The following SGPP2 variants were observed in gnomAD, a reference collection of about 807,000 sequenced individuals.
SGPP2 encodes sphingosine-1-phosphate phosphatase 2, also known as sphingosine 1-phosphate phosphohydrolase 2.
SGPP2 carries 30 observed loss-of-function variants against 33.9 expected under a neutral mutation model. The ratio of observed to expected loss-of-function variants is 0.89; its 90% confidence interval spans 0.66 to 1.20. The LOEUF is 1.20. Among genes scored for constraint, SGPP2 ranks in the 50% most tolerant of loss-of-function variants. The probability of loss-of-function intolerance (pLI) is 0.00; values close to 1 mark genes in which losing one functional copy is unlikely to be tolerated. For missense variants in SGPP2, 458 were observed against 532.1 expected (o/e 0.86, Z 1.37); for synonymous variants, 233 against 225.0 (o/e 1.04, Z -0.32).
chr2:222,453,049 T>C, intron 1 of SGPP2: 1 of 1,460,810 alleles, frequency 6.8e-7, no homozygotes, highest in Non-Finnish European at 9.6e-7. Flanking sequence ...TCTTCCTTCT[T>C]TTGTGGCGCT....
At chr2:222,490,551 C>G (rs112275019) in intron 2 of SGPP2, among the ~76,000 whole-genome samples, 2,018 of 152,216 alleles carry the variant, frequency 0.013, 37 homozygotes, top group African/African-American at 0.046. Flanking sequence ...GATCCTCCAA[C>G]CTCAGTCTAC....
chr2:222,479,594 G>A (rs551486314), intron 2 of SGPP2, among the ~76,000 whole-genome samples: 4 of 151,530 alleles, frequency 2.6e-5, no homozygotes, highest in East Asian at 3.9e-4. Context: ...TAGTAGAGAC[G>A]GAGTTTCACT....
intron 4 of SGPP2, among the ~76,000 whole-genome samples, chr2:222,543,678 G>A (rs1689126250): frequency 6.6e-6 from 1 of 152,120 alleles, no homozygotes; most frequent in African/African-American, 2.4e-5. Context: ...ACAAAATCAT[G>A]GACTGTACTC....
At chr2:222,440,331 T>C (rs1697305470) in intron 1 of SGPP2, among the ~76,000 whole-genome samples, 1 of 130,630 alleles carries the variant, frequency 7.7e-6, no homozygotes, top group Non-Finnish European at 1.6e-5. Flanking sequence ...TCATGTTTTG[T>C]GTGTTTTTGT....
intron 3 of SGPP2, 105 bp downstream of exon 3, chr2:222,522,051 T>C (rs1410438841): frequency 3.1e-5 from 33 of 1,048,026 alleles, no homozygotes; most frequent in Non-Finnish European, 4.1e-5. Context: ...TTAAGGTTTA[T>C]GAAATAAAGA....
rs534085180 is a variant in SGPP2, at chr2:222,477,520, T to C, written c.378+2794T>C. ...ATATGTTTATGTGTATATATATGTC[T>C]GTGTATATATGTGTATTTGTGTTTA... On this transcript the variant is annotated intron_variant, in intron 2 of 4. Coordinates refer to ENST00000321276, the MANE Select transcript of SGPP2 (RefSeq NM_152386.4). The surrounding 1 kb of genome is among the most constrained non-coding windows in gnomAD (Gnocchi z 6.0). Among the ~76,000 whole-genome samples the C allele has an allele frequency of 2.6e-5, 4 of 152,064 alleles. No individual in the cohort carries two copies. In the East Asian group the frequency reaches 7.7e-4, roughly 29 times the overall value.
intron 1 of SGPP2, among the ~76,000 whole-genome samples, chr2:222,435,776 A>C (rs1392148413): frequency 2.0e-5 from 3 of 152,230 alleles, no homozygotes; most frequent in Non-Finnish European, 4.4e-5. Flanking sequence ...AAGAATAAGG[A>C]AATACTCATG....
At chr2:222,489,303 G>GA (rs1270141355) in intron 2 of SGPP2, among the ~76,000 whole-genome samples, 2 of 151,384 alleles carry the variant, frequency 1.3e-5, no homozygotes, top group Admixed American at 6.6e-5. Flanking sequence ...CTACATAACT[G>GA]AAAAAAATAT....
At chr2:222,556,467 CG>C (rs1162031403) in intron 4 of SGPP2, among the ~76,000 whole-genome samples, 51 of 142,090 alleles carry the variant, frequency 3.6e-4, no homozygotes, top group Non-Finnish European at 7.7e-5. Context: ...CTCACTCCCC[CG>C]CATCCACTCT....
At position 222,466,277 on chromosome 2, in the gene SGPP2, TAGAC is replaced by T. The variant is rs1227249055; in HGVS notation, c.220-8287_220-8284del. ...ACTTTTTTTTTTTTTTTTTTTTTTT[TAGAC>T]AGAGTCTCTCTCTGTCACCCAGGCT... On this transcript the variant is annotated intron_variant, in intron 1 of 4. Transcript: ENST00000321276. 5.0e-4 allele frequency among the ~76,000 whole-genome samples: 74 copies of T among 147,512 alleles called. 1 individual carries two copies. In the Middle Eastern group the frequency reaches 0.011, roughly 21 times the overall value.
At chr2:222,434,148 A>C (rs1290720703) in intron 1 of SGPP2, among the ~76,000 whole-genome samples, 1 of 152,202 alleles carries the variant, frequency 6.6e-6, no homozygotes, top group Non-Finnish European at 1.5e-5. Context: ...TTAGGAATCT[A>C]TGAAAATACC....
At chr2:222,462,694 A>T (rs747819109) in intron 1 of SGPP2, among the ~76,000 whole-genome samples, 1 of 152,180 alleles carries the variant, frequency 6.6e-6, no homozygotes, top group Non-Finnish European at 1.5e-5. Flanking sequence ...TAGTAAAGGG[A>T]CCACGAGGAA....
intron 2 of SGPP2, among the ~76,000 whole-genome samples, chr2:222,520,722 GAAAAAAAAA>G (rs369507692): frequency 0.027 from 1,058 of 39,698 alleles, 11 homozygotes; most frequent in African/African-American, 0.05. Flanking sequence ...GTGAGACTCT[GAAAAAAAAA>G]AAAAAAAAAA....
intron 1 of SGPP2, among the ~76,000 whole-genome samples, chr2:222,464,479 GT>G (rs1241188565): frequency 2.6e-5 from 4 of 152,044 alleles, no homozygotes; most frequent in African/African-American, 9.7e-5. Context: ...AAGTACAGAG[GT>G]TTTTTGTTCT....
intron 2 of SGPP2, among the ~76,000 whole-genome samples, chr2:222,519,085 C>T (rs1010495508): frequency 1.3e-5 from 2 of 152,148 alleles, no homozygotes; most frequent in Non-Finnish European, 2.9e-5. Flanking sequence ...GGGTTTTGTT[C>T]CAAGCAAGGT....
At chr2:222,520,319 A>G (rs907636974) in intron 2 of SGPP2, among the ~76,000 whole-genome samples, 3 of 152,094 alleles carry the variant, frequency 2.0e-5, no homozygotes, top group African/African-American at 7.2e-5. Flanking sequence ...GAACGCTGGT[A>G]TGTCTTCTTT....
intron 1 of SGPP2, among the ~76,000 whole-genome samples, chr2:222,450,271 C>A (rs1180565947): frequency 6.6e-6 from 1 of 152,212 alleles, no homozygotes; most frequent in Admixed American, 6.5e-5. Flanking sequence ...TCCATCTTCT[C>A]ATTTGCACCA....
In SGPP2 at chr2:222,538,264, T is replaced by C. The variant is rs141703322; in HGVS notation, c.648+13231T>C. 4.6e-5 allele frequency among the ~76,000 whole-genome samples: 7 copies of C among 152,304 alleles called. No individual in the cohort carries two copies. The East Asian group carries it at 1.3e-3, about 29-fold the overall frequency. ...GACTCTGAGCATTTGTTGAAACTCA[T>C]TGAATTGTAAACAAAAAAGAGTAAC... On this transcript the variant is annotated intron_variant, in intron 4 of 4. Coordinates refer to ENST00000321276, the MANE Select transcript of SGPP2 (RefSeq NM_152386.4).
At chr2:222,535,427 A>G (rs1311144550) in intron 4 of SGPP2, among the ~76,000 whole-genome samples, 1 of 151,752 alleles carries the variant, frequency 6.6e-6, no homozygotes, top group Non-Finnish European at 1.5e-5. Flanking sequence ...TCTCTTTTAC[A>G]AGTGGAGGAT....
Sources: allele counts gnomAD v4.1 joint callset (sites outside exome capture counted in the v4.1 genomes callset), GRCh38; gene constraint gnomAD v4.1.1; non-coding constraint Gnocchi (gnomAD v3.1); transcripts MANE v1.5; gene names NCBI Gene and HGNC (gene_info 2026-07-23, HGNC 2026-07-21).